Variants in RBFOX1 observed in about 807,000 individuals in gnomAD.
RBFOX1 encodes the protein RNA binding protein fox-1 homolog 1.
Under a neutral mutation model 57.7 loss-of-function variants are expected in RBFOX1, and 8 were observed. The observed-to-expected ratio is 0.14, with a 90% CI of 0.08 to 0.25. The LOEUF (loss-of-function observed/expected upper bound fraction) is 0.25, where lower values mean the gene tolerates loss of function less well. Ranked by LOEUF, RBFOX1 falls within the 10% of genes least tolerant of loss-of-function variation. RBFOX1 has a pLI of 1.00. For missense variants in RBFOX1, 611 were observed against 548.5 expected (o/e 1.11, Z -1.14); for synonymous variants, 326 against 222.4 (o/e 1.47, Z -4.15).
At chr16:6,018,923 T>G (rs1482716482), upstream of RBFOX1, among the ~76,000 whole-genome samples, 1 of 151,894 alleles carries the variant, frequency 6.6e-6, no homozygotes, top group African/African-American at 2.4e-5. Context: ...CCGGGTCGCG[T>G]GTCCGCCGCC....
intron 1 of RBFOX1, among the ~76,000 whole-genome samples, chr16:6,111,578 C>G (rs574880668): frequency 6.6e-6 from 1 of 152,286 alleles, no homozygotes; most frequent in Admixed American, 6.5e-5. Flanking sequence ...AGCCCCAGGA[C>G]TATGGCTTTT....
chr16:6,787,911 A>G (rs12921317), intron 3 of RBFOX1, among the ~76,000 whole-genome samples: 3 of 151,990 alleles, frequency 2.0e-5, no homozygotes, highest in Non-Finnish European at 4.4e-5. Flanking sequence ...CCAATCTGTC[A>G]TTACTAAACA....
chr16:7,354,522 G>A (rs1568374481), intron 4 of RBFOX1, among the ~76,000 whole-genome samples: 1 of 151,490 alleles, frequency 6.6e-6, no homozygotes, highest in Non-Finnish European at 1.5e-5. Flanking sequence ...AATGAGCTTG[G>A]AAAAAAAACT....
intron 3 of RBFOX1, among the ~76,000 whole-genome samples, chr16:5,668,273 T>A (rs2049910284): frequency 6.6e-6 from 1 of 152,080 alleles, no homozygotes; most frequent in African/African-American, 2.4e-5. Flanking sequence ...AGAGCGAGAC[T>A]CCATCTCAAA....
chr16:6,950,015 C>T (rs999615460), intron 3 of RBFOX1, among the ~76,000 whole-genome samples: 2 of 151,012 alleles, frequency 1.3e-5, no homozygotes, highest in Non-Finnish European at 2.9e-5. Flanking sequence ...GGTGTGTTCT[C>T]GGCTCGCTGC....
chr16:5,395,696 A>G (rs1011406293), intron 1 of RBFOX1, among the ~76,000 whole-genome samples: 2 of 152,196 alleles, frequency 1.3e-5, no homozygotes, highest in Non-Finnish European at 2.9e-5. Context: ...AGAATGTGGC[A>G]AAAGGGATGC....
rs1555766766 is a variant in RBFOX1, at chr16:6,747,468, C to CTGTT, written c.-16+92821_-16+92822insTTGT. 2.0e-5 allele frequency among the ~76,000 whole-genome samples: 3 copies of CTGTT among 151,780 alleles called. No individual in the cohort carries two copies. In the East Asian group the frequency reaches 5.8e-4, roughly 29 times the overall value. On this transcript the variant is annotated intron_variant, in intron 3 of 15. Coordinates refer to ENST00000550418, the MANE Select transcript of RBFOX1 (RefSeq NM_018723.4). ...TTAGTCTGTCTGTCTGTCTGTCTGTCTGTCTGTTTATCTATCTGTCTATCT... is the reference window on the plus strand; with the variant it reads ...TTAGTCTGTCTGTCTGTCTGTCTGTCTGTTTGTCTGTTTATCTATCTGTCTATCT...
chr16:6,572,607 T>C (rs1373357208), intron 2 of RBFOX1, among the ~76,000 whole-genome samples: 1 of 152,044 alleles, frequency 6.6e-6, no homozygotes, highest in Admixed American at 6.6e-5. Flanking sequence ...TGTCTTTTTT[T>C]TTTTAGACAG....
chr16:7,135,006 C>G (rs1162045672), intron 4 of RBFOX1, among the ~76,000 whole-genome samples: 2 of 151,582 alleles, frequency 1.3e-5, no homozygotes, highest in Non-Finnish European at 2.9e-5. Context: ...TGGGATTCCA[C>G]ACTGACAATA....
intron 4 of RBFOX1, among the ~76,000 whole-genome samples, chr16:7,229,985 GGAGA>G (rs771261949): frequency 1.9e-5 from 2 of 103,054 alleles, no homozygotes; most frequent in African/African-American, 4.6e-5. Flanking sequence ...AGGGAGGAAG[GGAGA>G]GAGAGGGAGG....
At chr16:5,507,763 G>C (rs900203942) in intron 2 of RBFOX1, among the ~76,000 whole-genome samples, 3 of 152,168 alleles carry the variant, frequency 2.0e-5, no homozygotes, top group Admixed American at 6.5e-5. Context: ...TGAAGACAGA[G>C]GCAGAGGTGG....
rs561276387 is a variant in RBFOX1 at position 5,867,959 on chromosome 16, G to A, written c.351+624G>A. On this transcript the variant is annotated intron_variant, in intron 4 of 19. Transcript: ENST00000641259. ...ACTCCTGGCCTCAAGTGATCTGCTC[G>A]CCTCAGCCTCCTAAAATGCAGGGAT... Among the ~76,000 whole-genome samples the A allele has an allele frequency of 8.5e-5, 13 of 152,156 alleles. No individual in the cohort carries two copies. In the South Asian group the frequency reaches 1.5e-3, roughly 17 times the overall value.
rs138088217 is a variant in RBFOX1 at position 6,968,831 on chromosome 16, T to G, written c.-15-83226T>G. On this transcript the variant is annotated intron_variant, in intron 3 of 15. Transcript: ENST00000550418. The stretch of plus-strand genomic sequence containing the variant: ...AATCCAGGTTTTTTTGTTTTTTTTT[T>G]TTTAAAGAAAACCTGCAGGTCTTCT... Among the ~76,000 whole-genome samples the G allele has an allele frequency of 6.6e-5, 10 of 152,108 alleles. No individual in the cohort carries two copies. In the East Asian group the frequency reaches 1.7e-3, roughly 26 times the overall value.
At chr16:7,453,836 C>G (rs745636892) in intron 4 of RBFOX1, among the ~76,000 whole-genome samples, 1 of 152,120 alleles carries the variant, frequency 6.6e-6, no homozygotes, top group East Asian at 1.9e-4. Context: ...AGATGGCATT[C>G]CTAGAGTTCA....
At chr16:7,343,522 C>T (rs2096937075) in intron 4 of RBFOX1, among the ~76,000 whole-genome samples, 1 of 152,204 alleles carries the variant, frequency 6.6e-6, no homozygotes, top group Non-Finnish European at 1.5e-5. Flanking sequence ...AGCATAAATT[C>T]ATACTTCCGT....
intron 2 of RBFOX1, among the ~76,000 whole-genome samples, chr16:6,601,511 G>A (rs1042289330): frequency 2.6e-5 from 4 of 152,104 alleles, no homozygotes; most frequent in African/African-American, 9.7e-5. Flanking sequence ...CCAGCGTAAG[G>A]ATCCTGGACC....
At chr16:7,350,483 T>G (rs2097108434) in intron 4 of RBFOX1, among the ~76,000 whole-genome samples, 1 of 152,100 alleles carries the variant, frequency 6.6e-6, no homozygotes, top group African/African-American at 2.4e-5. Flanking sequence ...CTAGGGGAAA[T>G]GGCAAACCCC....
chr16:5,860,762 C>T (rs1529917), intron 3 of RBFOX1, among the ~76,000 whole-genome samples: 70,255 of 151,906 alleles, frequency 0.46, 16,580 homozygotes, highest in East Asian at 0.72. Context: ...CATGGGTCAA[C>T]GTCCTTCTCC....
intron 3 of RBFOX1, among the ~76,000 whole-genome samples, chr16:5,669,518 C>G (rs1314696676): frequency 6.9e-6 from 1 of 145,930 alleles, no homozygotes; most frequent in African/African-American, 2.5e-5. Context: ...CTCCCTGGTT[C>G]AAGCAATTCT....
Sources: allele counts gnomAD v4.1 joint callset (sites outside exome capture counted in the v4.1 genomes callset), GRCh38; gene constraint gnomAD v4.1.1; transcripts MANE v1.5; gene names NCBI Gene and HGNC (gene_info 2026-07-23, HGNC 2026-07-21).